Variants in RIMBP2 observed in about 807,000 individuals in gnomAD.
RIMBP2 encodes RIMS-binding protein 2.
A neutral mutation model predicts 118.6 loss-of-function variants in RIMBP2; 48 were observed. The observed-to-expected ratio is 0.40, with a 90% CI of 0.32 to 0.51. The LOEUF (loss-of-function observed/expected upper bound fraction) is 0.51. Among genes scored for constraint, RIMBP2 ranks in the 20% least tolerant of loss-of-function variants. The probability of loss-of-function intolerance (pLI) is 0.41; values close to 1 mark genes in which losing one functional copy is unlikely to be tolerated. For synonymous variants in RIMBP2, 762 were observed against 742.9 expected, an observed-to-expected ratio of 1.03 and a Z score of -0.42; for missense variants, 1,551 against 1,768.3, an observed-to-expected ratio of 0.88 and a Z score of 2.20.
Position 130,703,667 on chromosome 12 carries a change from C to G in RIMBP2, c.-352+12555G>C, listed in dbSNP as rs1435581191. 6.6e-6 allele frequency among the ~76,000 whole-genome samples: 1 copy of G among 152,218 alleles called. No individual in the cohort carries two copies. Among genetic ancestry groups the G allele is most frequent in the East Asian group, 1.9e-4 (1 of 5,186 alleles). On this transcript the variant is annotated intron_variant, in intron 1 of 22. Coordinates refer to ENST00000690449, the MANE Select transcript of RIMBP2 (RefSeq NM_001393629.1). The surrounding 1 kb of genome is among the most constrained non-coding windows in gnomAD (Gnocchi z 5.7). ...CTGATTAGCGCTCTACATCACCCACCGCTCAGCCTCCCCTGGGGTCGGGTG... is the reference window on the plus strand; with the variant it reads ...CTGATTAGCGCTCTACATCACCCACGGCTCAGCCTCCCCTGGGGTCGGGTG...
intron 18 of RIMBP2, 125 bp from the exon 19 acceptor site, chr12:130,412,912 A>C: frequency 3.3e-6 from 3 of 906,978 alleles, no homozygotes; most frequent in Non-Finnish European, 4.9e-6. Flanking sequence ...AATACCATAA[A>C]TCACCTGCAT....
At chr12:130,495,753 C>G (rs1429622921) in intron 4 of RIMBP2, among the ~76,000 whole-genome samples, 3 of 152,182 alleles carry the variant, frequency 2.0e-5, no homozygotes, top group African/African-American at 7.2e-5. Flanking sequence ...ACCTCTCCAG[C>G]ACCAGCCACT....
At chr12:130,647,607 G>A (rs560439316) in intron 1 of RIMBP2, among the ~76,000 whole-genome samples, 1 of 145,094 alleles carries the variant, frequency 6.9e-6, no homozygotes, top group African/African-American at 2.5e-5. Context: ...GGGGCCTGGA[G>A]GAGGTCACAC....
intron 2 of RIMBP2, among the ~76,000 whole-genome samples, chr12:130,520,539 G>C (rs562981996): frequency 5.3e-4 from 81 of 152,156 alleles, no homozygotes; most frequent in African/African-American, 1.7e-3. Flanking sequence ...AGGCGTGGTG[G>C]TGGGCACCTG....
intron 6 of RIMBP2, among the ~76,000 whole-genome samples, chr12:130,463,001 C>T (rs139277638): frequency 8.5e-5 from 13 of 152,372 alleles, no homozygotes; most frequent in Middle Eastern, 3.4e-3. Context: ...TTAGGCTCCT[C>T]GCCTGAGCAC....
intron 2 of RIMBP2, among the ~76,000 whole-genome samples, chr12:130,547,887 G>A (rs2055336308): frequency 6.6e-6 from 1 of 152,146 alleles, no homozygotes; most frequent in South Asian, 2.1e-4. Flanking sequence ...TAAGCAGGAG[G>A]TTTCTACCAA....
intron 7 of RIMBP2, 83 bp from the exon 8 acceptor site, chr12:130,451,423 G>A: frequency 7.1e-7 from 1 of 1,404,134 alleles, no homozygotes; most frequent in Non-Finnish European, 9.6e-7. Flanking sequence ...TACCCGGGGT[G>A]CCTTTCCCCT....
At chr12:130,505,950 C>T (rs999935131) in intron 4 of RIMBP2, among the ~76,000 whole-genome samples, 3 of 148,072 alleles carry the variant, frequency 2.0e-5, no homozygotes, top group African/African-American at 7.5e-5. Context: ...AGAGTATTTG[C>T]GGATGCAGCC....
At chr12:130,706,975 A>C (rs1260931691) in intron 1 of RIMBP2, among the ~76,000 whole-genome samples, 1 of 152,172 alleles carries the variant, frequency 6.6e-6, no homozygotes, top group Non-Finnish European at 1.5e-5. Flanking sequence ...CCCATGGAAG[A>C]GAGAAAAATC....
At chr12:130,456,416 T>C in intron 7 of RIMBP2, 80 bp downstream of exon 7, 1 of 1,315,862 alleles carries the variant, frequency 7.6e-7, no homozygotes, top group Non-Finnish European at 1.0e-6. Context: ...CCAAACCGAT[T>C]TCACCTGTGC....
intron 1 of RIMBP2, among the ~76,000 whole-genome samples, chr12:130,635,135 C>T (rs991692003): frequency 6.6e-6 from 1 of 152,166 alleles, no homozygotes; most frequent in African/African-American, 2.4e-5. Flanking sequence ...ACATGCCTTT[C>T]ATCAGATTGC....
intron 6 of RIMBP2, among the ~76,000 whole-genome samples, chr12:130,458,813 G>A (rs930840130): frequency 3.9e-5 from 6 of 152,116 alleles, no homozygotes; most frequent in African/African-American, 1.2e-4. Flanking sequence ...GAGAGGCCGA[G>A]GTGGGCGGAT....
intron 1 of RIMBP2, among the ~76,000 whole-genome samples, chr12:130,698,863 A>C (rs1444007435): frequency 1.3e-5 from 2 of 151,606 alleles, no homozygotes; most frequent in African/African-American, 4.9e-5. Flanking sequence ...GAATCTACAA[A>C]GAACTCAAAC....
intron 2 of RIMBP2, among the ~76,000 whole-genome samples, chr12:130,567,098 CAG>C (rs577046520): frequency 5.3e-5 from 8 of 152,268 alleles, no homozygotes; most frequent in African/African-American, 1.9e-4. Flanking sequence ...AGACCAAACT[CAG>C]GGAAAGTCAA....
chr12:130,403,540 A>T (rs1362344091), intron 21 of RIMBP2, among the ~76,000 whole-genome samples: 3 of 152,180 alleles, frequency 2.0e-5, no homozygotes, highest in Admixed American at 2.0e-4. Flanking sequence ...AAAACTGATA[A>T]GATAACCATT....
intron 2 of RIMBP2, among the ~76,000 whole-genome samples, chr12:130,528,347 A>G (rs921093713): frequency 6.6e-6 from 1 of 152,354 alleles, no homozygotes; most frequent in Admixed American, 6.5e-5. Flanking sequence ...ATGCAGGAAC[A>G]AAAAACTAAA....
intron 2 of RIMBP2, among the ~76,000 whole-genome samples, chr12:130,608,255 A>C (rs1339574134): frequency 2.6e-5 from 4 of 152,192 alleles, no homozygotes; most frequent in African/African-American, 7.2e-5. Flanking sequence ...CAACAGGACA[A>C]TGGGAAACCA....
chr12:130,650,670 C>G (rs959938432), intron 1 of RIMBP2, among the ~76,000 whole-genome samples: 27 of 152,156 alleles, frequency 1.8e-4, no homozygotes, highest in Non-Finnish European at 3.5e-4. Context: ...CAGTCCAAGC[C>G]CAGATTTACT....
chr12:130,649,260 C>T (rs2063121021), intron 1 of RIMBP2, among the ~76,000 whole-genome samples: 1 of 149,984 alleles, frequency 6.7e-6, no homozygotes, highest in Non-Finnish European at 1.5e-5. Context: ...GTGGGGCTTG[C>T]TGCGACGTAC....
Sources: allele counts gnomAD v4.1 joint callset (sites outside exome capture counted in the v4.1 genomes callset), GRCh38; gene constraint gnomAD v4.1.1; non-coding constraint Gnocchi (gnomAD v3.1); transcripts MANE v1.5; gene names NCBI Gene and HGNC (gene_info 2026-07-23, HGNC 2026-07-21).